Variants in RARB observed in about 807,000 individuals in gnomAD.
RARB encodes the protein retinoic acid receptor beta.
RARB carries 17 observed loss-of-function variants against 51.9 expected under a neutral mutation model. The observed-to-expected ratio is 0.33, with a 90% CI of 0.22 to 0.49. The LOEUF (loss-of-function observed/expected upper bound fraction) is 0.49. Among genes scored for constraint, RARB ranks in the 20% least tolerant of loss-of-function variants. RARB has a pLI of 0.99. For synonymous variants in RARB, 215 were observed against 195.4 expected, an observed-to-expected ratio of 1.10 and a Z score of -0.84; for missense variants, 369 against 550.8, an observed-to-expected ratio of 0.67 and a Z score of 3.30.
intron 5 of RARB, among the ~76,000 whole-genome samples, chr3:25,227,701 A>T (rs1163702590): frequency 6.6e-5 from 10 of 152,222 alleles, no homozygotes; most frequent in African/African-American, 2.2e-4. Flanking sequence ...TTATTATCAT[A>T]ATTCCAATAG....
intron 5 of RARB, among the ~76,000 whole-genome samples, chr3:25,275,547 C>T (rs1374087446): frequency 6.6e-6 from 1 of 152,220 alleles, no homozygotes; most frequent in Admixed American, 6.5e-5. Context: ...TACTGTTAGC[C>T]ATACGGCAAC....
chr3:25,065,949 A>G (rs2125305941), intron 3 of RARB, among the ~76,000 whole-genome samples: 1 of 152,230 alleles, frequency 6.6e-6, no homozygotes, highest in East Asian at 1.9e-4. Context: ...TTTTAAAGAA[A>G]GTGGTATTGC....
chr3:25,448,202 GC>G (rs1427122446), intron 1 of RARB, among the ~76,000 whole-genome samples: 1 of 152,170 alleles, frequency 6.6e-6, no homozygotes, highest in East Asian at 1.9e-4. Context: ...CAGACAACTT[GC>G]CTATAAAGGT....
intron 4 of RARB, among the ~76,000 whole-genome samples, chr3:25,136,561 AACAATGCATC>A: frequency 6.6e-6 from 1 of 152,092 alleles, no homozygotes; most frequent in East Asian, 1.9e-4. Flanking sequence ...AACTTCATGA[AACAATGCATC>A]ACTAATTATG....
At chr3:25,079,596 T>A (rs548996362) in intron 3 of RARB, among the ~76,000 whole-genome samples, 1 of 152,356 alleles carries the variant, frequency 6.6e-6, no homozygotes, top group Admixed American at 6.5e-5. Flanking sequence ...TATCATAATA[T>A]GTGCATTGAA....
chr3:25,092,897 T>A (rs554492895), intron 3 of RARB, among the ~76,000 whole-genome samples: 2 of 152,294 alleles, frequency 1.3e-5, no homozygotes, highest in East Asian at 3.9e-4. Context: ...GAGAGATGAC[T>A]TATTCTACAG....
At chr3:25,343,022 CTTTGTGTG>C (rs1361739136) in intron 5 of RARB, among the ~76,000 whole-genome samples, 21 of 89,466 alleles carry the variant, frequency 2.3e-4, no homozygotes, top group African/African-American at 1.0e-3. Context: ...TTTGCAAGTA[CTTTGTGTG>C]TGTGTGTGTG....
At chr3:25,190,686 T>G (rs1182865331) in intron 5 of RARB, among the ~76,000 whole-genome samples, 1 of 152,138 alleles carries the variant, frequency 6.6e-6, no homozygotes, top group Non-Finnish European at 1.5e-5. Flanking sequence ...TAAATGCCCT[T>G]CCTCCAAAAA....
intron 2 of RARB, among the ~76,000 whole-genome samples, chr3:24,858,924 C>T (rs1702684085): frequency 6.6e-6 from 1 of 151,032 alleles, no homozygotes; most frequent in Admixed American, 6.6e-5. Context: ...GTAGTCCCAG[C>T]TACTCGGGAG....
At chr3:24,906,098 C>T (rs912370107) in intron 2 of RARB, among the ~76,000 whole-genome samples, 12 of 152,118 alleles carry the variant, frequency 7.9e-5, no homozygotes, top group African/African-American at 1.7e-4. Context: ...GAATCAAAGT[C>T]GAGACAGCCA....
chr3:25,378,554 G>T lies in RARB; in HGVS notation c.179-82639G>T, dbSNP rs545350467. On this transcript the variant is annotated intron_variant, in intron 5 of 11. Transcript: ENST00000383772. ...GCATCATCCAGAAGGCTAGAAGATT[G>T]AGAGAGAAACCTACATTCCTCTGTA... Among the ~76,000 whole-genome samples the T allele has an allele frequency of 2.0e-5, 3 of 152,298 alleles. No homozygotes were observed. In the South Asian group the frequency reaches 6.2e-4, roughly 32 times the overall value.
intron 2 of RARB, among the ~76,000 whole-genome samples, chr3:25,044,063 A>AC (rs1414395199): frequency 1.3e-5 from 2 of 152,050 alleles, no homozygotes; most frequent in African/African-American, 4.8e-5. Context: ...CACTGATACT[A>AC]CCTTCAAAGT....
intron 2 of RARB, among the ~76,000 whole-genome samples, chr3:25,478,221 T>C (rs1864904): frequency 0.058 from 8,804 of 152,206 alleles, 802 homozygotes; most frequent in African/African-American, 0.2. Flanking sequence ...TCCATCCAGG[T>C]ACAAGAGGAG....
intron 5 of RARB, chr3:25,352,437 G>A (rs1302866824): frequency 1.3e-5 from 2 of 152,164 alleles, no homozygotes; most frequent in Non-Finnish European, 2.9e-5. Context: ...TGAGGCCTCT[G>A]ATAATGGGAG....
At chr3:25,098,218 A>G (rs948360479) in intron 3 of RARB, among the ~76,000 whole-genome samples, 8 of 152,104 alleles carry the variant, frequency 5.3e-5, no homozygotes, top group Admixed American at 5.2e-4. Context: ...AGGCAGGCAA[A>G]GGCAGGCAGT....
chr3:25,416,398 C>T lies in RARB; in HGVS notation c.179-44795C>T, dbSNP rs146008918. ...AGTGAGACTTTGTCTCATAAGCAAG[C>T]AAATATATAACTGCAGAGGATTCTT... is the stretch of plus-strand genomic sequence containing the variant. On this transcript the variant is annotated intron_variant, in intron 5 of 11. Coordinates refer to the RARB transcript ENST00000383772. 4.5e-3 allele frequency among the ~76,000 whole-genome samples: 680 copies of T among 152,182 alleles called. 7 individuals are homozygous for T. Among genetic ancestry groups the T allele is most frequent in the African/African-American group, 0.016 (657 of 41,512 alleles).
intron 1 of RARB, among the ~76,000 whole-genome samples, chr3:24,829,433 T>G (rs1200793843): frequency 6.6e-6 from 1 of 152,164 alleles, no homozygotes; most frequent in Non-Finnish European, 1.5e-5. Flanking sequence ...CTGGCGGGTC[T>G]TCCTGTTGGG....
At chr3:25,251,136 A>T (rs1464914450) in intron 5 of RARB, among the ~76,000 whole-genome samples, 2 of 152,094 alleles carry the variant, frequency 1.3e-5, no homozygotes, top group Non-Finnish European at 2.9e-5. Flanking sequence ...TTGAATATGC[A>T]TTCTTGACTG....
intron 3 of RARB, among the ~76,000 whole-genome samples, chr3:25,128,991 A>G (rs1699902956): frequency 1.3e-5 from 2 of 152,140 alleles, no homozygotes; most frequent in Non-Finnish European, 2.9e-5. Flanking sequence ...GAAATTAAAA[A>G]ACATAGAGTA....
Sources: gnomAD v4.1 joint callset for allele counts (sites outside exome capture counted in the v4.1 genomes callset) on GRCh38, gnomAD v4.1.1 for gene constraint, MANE v1.5 for transcripts, NCBI Gene and HGNC (gene_info 2026-07-23, HGNC 2026-07-21) for gene names.